IMMP2L: variants seen among roughly 807,000 people sequenced by gnomAD.
IMMP2L encodes the protein mitochondrial inner membrane protease subunit 2.
Under a neutral mutation model 19.3 loss-of-function variants are expected in IMMP2L, and 18 were observed. That is an observed-to-expected ratio of 0.93 (90% CI 0.64 to 1.38). The LOEUF (loss-of-function observed/expected upper bound fraction) is 1.38, where lower values mean the gene tolerates loss of function less well. Among genes scored for constraint, IMMP2L ranks in the 40% most tolerant of loss-of-function variants. IMMP2L has a pLI of 0.00. For synonymous variants in IMMP2L, 76 were observed against 73.0 expected (o/e 1.04, Z -0.21); for missense variants, 233 against 218.2 (o/e 1.07, Z -0.43).
intron 5 of IMMP2L, among the ~76,000 whole-genome samples, chr7:110,744,396 G>C (rs1452452268): frequency 1.3e-5 from 2 of 152,222 alleles, no homozygotes; most frequent in African/African-American, 2.4e-5. Flanking sequence ...TTTGAGCTCT[G>C]ATAAGGGACA....
intron 4 of IMMP2L, 33 bp from the exon 5 acceptor site, chr7:110,886,728 A>C (rs751905746): frequency 2.0e-6 from 2 of 1,002,578 alleles, no homozygotes; most frequent in African/African-American, 1.6e-5. Context: ...CTGAGATATG[A>C]GTAGAAAAGA....
chr7:110,746,084 A>G (rs1797322928), intron 5 of IMMP2L, among the ~76,000 whole-genome samples: 1 of 152,202 alleles, frequency 6.6e-6, no homozygotes, highest in Admixed American at 6.5e-5. Flanking sequence ...AAAGAAAGAA[A>G]AAAAAAGCAG....
chr7:111,105,150 A>G (rs1425209905), intron 3 of IMMP2L, among the ~76,000 whole-genome samples: 1 of 151,850 alleles, frequency 6.6e-6, no homozygotes, highest in East Asian at 1.9e-4. Context: ...GTTTTCAAAT[A>G]AAATAACCAC....
intron 3 of IMMP2L, among the ~76,000 whole-genome samples, chr7:111,300,405 A>G (rs548417867): frequency 6.6e-6 from 1 of 152,242 alleles, no homozygotes; most frequent in Non-Finnish European, 1.5e-5. Flanking sequence ...TTTTATTTTG[A>G]GATAATTGTA....
At chr7:110,868,304 AC>A (rs1381161100) in intron 5 of IMMP2L, among the ~76,000 whole-genome samples, 1 of 152,038 alleles carries the variant, frequency 6.6e-6, no homozygotes, top group Non-Finnish European at 1.5e-5. Context: ...TCTGTTTGAA[AC>A]AAAAGAGGCA....
rs867914049 is a variant in IMMP2L at position 111,221,907 on chromosome 7, C to T, written c.240-258342G>A. ...CCAAAGACACGCAGCTAGACTAAAACGACAGAACAAAGAGCAGAGAAACAG... is the reference window on the plus strand; with the variant it reads ...CCAAAGACACGCAGCTAGACTAAAATGACAGAACAAAGAGCAGAGAAACAG... On this transcript the variant is annotated intron_variant, in intron 3 of 5. Transcript: ENST00000405709. Among the ~76,000 whole-genome samples the T allele has an allele frequency of 1.2e-4, 18 of 151,810 alleles. No homozygotes were observed. The South Asian group carries it at 2.9e-3, about 24-fold the overall frequency.
chr7:110,758,270 G>A lies in IMMP2L; in HGVS notation c.409-94549C>T, dbSNP rs539049934. 2.0e-5 allele frequency among the ~76,000 whole-genome samples: 3 copies of A among 152,058 alleles called. No individual in the cohort carries two copies. The East Asian group carries it at 5.8e-4, about 30-fold the overall frequency. Reference sequence around the variant, plus strand: ...CTGGAGTGGACTTAAGAGAATGGGAGGAGAAAAAACACCAGTTGTGAGTAA... The same window carrying A: ...CTGGAGTGGACTTAAGAGAATGGGAAGAGAAAAAACACCAGTTGTGAGTAA... On this transcript the variant is annotated intron_variant, in intron 5 of 5. Coordinates refer to ENST00000405709, the MANE Select transcript of IMMP2L (RefSeq NM_032549.4). The surrounding 1 kb of genome is among the most constrained non-coding windows in gnomAD (Gnocchi z 4.6).
At chr7:110,739,412 C>T (rs1796850506) in intron 5 of IMMP2L, among the ~76,000 whole-genome samples, 1 of 152,034 alleles carries the variant, frequency 6.6e-6, no homozygotes, top group African/African-American at 2.4e-5. Flanking sequence ...GCAGGAGTAG[C>T]TATTCTTATA....
chr7:111,445,505 G>A (rs187693911), intron 3 of IMMP2L, among the ~76,000 whole-genome samples: 1 of 151,170 alleles, frequency 6.6e-6, no homozygotes, highest in Non-Finnish European at 1.5e-5. Flanking sequence ...TAATAAAGAA[G>A]TATAAATGTG....
chr7:110,825,449 A>G (rs1407433784), intron 5 of IMMP2L, among the ~76,000 whole-genome samples: 1 of 152,220 alleles, frequency 6.6e-6, no homozygotes, highest in Non-Finnish European at 1.5e-5. Context: ...CTACGAGGCT[A>G]CAGTAACCAA....
chr7:111,454,577 C>CA (rs934769304), intron 3 of IMMP2L, among the ~76,000 whole-genome samples: 3 of 151,252 alleles, frequency 2.0e-5, no homozygotes, highest in African/African-American at 7.3e-5. Flanking sequence ...TGTATCATTT[C>CA]AAAAAAAATT....
intron 3 of IMMP2L, among the ~76,000 whole-genome samples, chr7:111,090,349 C>T (rs975198608): frequency 2.0e-5 from 3 of 151,798 alleles, no homozygotes; most frequent in African/African-American, 7.3e-5. Context: ...TTATTACAAT[C>T]GAAATATTTC....
Position 111,007,179 on chromosome 7 carries a change from G to A in IMMP2L, c.240-43614C>T, listed in dbSNP as rs558036062. ...ACATGGTGGCAGGAGAGAGAAGAGC[G>A]AAGGAGAAACTTCCAAACACTTATA... On this transcript the variant is annotated intron_variant, in intron 3 of 5. Coordinates refer to ENST00000405709, the MANE Select transcript of IMMP2L (RefSeq NM_032549.4). Among the ~76,000 whole-genome samples the A allele has an allele frequency of 4.6e-5, 7 of 152,216 alleles. 1 individual carries two copies. Among genetic ancestry groups the A allele is most frequent in the South Asian group, 4.1e-4 (2 of 4,826 alleles).
At position 110,994,775 on chromosome 7, in the gene IMMP2L, T is replaced by C. The variant is rs1822861507; in HGVS notation, c.240-31210A>G. 2.6e-5 allele frequency among the ~76,000 whole-genome samples: 4 copies of C among 152,304 alleles called. No individual in the cohort carries two copies. In the South Asian group the frequency reaches 8.3e-4, roughly 32 times the overall value. On this transcript the variant is annotated intron_variant, in intron 3 of 5. Coordinates refer to ENST00000405709, the MANE Select transcript of IMMP2L (RefSeq NM_032549.4). ...CTAAATAATAGAGAGGCACAATCTCTTCAGCACCTCTCTTACTGGCTGACA... is the reference window on the plus strand; with the variant it reads ...CTAAATAATAGAGAGGCACAATCTCCTCAGCACCTCTCTTACTGGCTGACA...
intron 5 of IMMP2L, among the ~76,000 whole-genome samples, chr7:110,818,485 G>T (rs897090812): frequency 5.3e-5 from 8 of 152,058 alleles, no homozygotes; most frequent in African/African-American, 1.9e-4. Flanking sequence ...AGAGGATGTG[G>T]AGAAATAGGA....
rs754551483 is a variant in IMMP2L, at chr7:111,287,830, C to T, written c.239+199408G>A. Reference sequence around the variant, plus strand: ...AGTTTCACAGACAGGAGAACTTCCACGGACTCCCTTCTGCATGATGGATAG... The same window carrying T: ...AGTTTCACAGACAGGAGAACTTCCATGGACTCCCTTCTGCATGATGGATAG... On this transcript the variant is annotated intron_variant, in intron 3 of 5. Transcript: ENST00000405709. Among the ~76,000 whole-genome samples, 6 of 152,248 alleles carry T rather than the reference C, an allele frequency of 3.9e-5. No homozygotes were observed. In the East Asian group the frequency reaches 7.7e-4, roughly 20 times the overall value.
Position 111,559,650 on chromosome 7 carries a change from T to C in IMMP2L, c.-3+2201A>G, listed in dbSNP as rs200854065. On this transcript the variant is annotated intron_variant, in intron 1 of 5. Transcript: ENST00000405709. ...AGCTATAGGAAAGTTAGGCACTACA[T>C]GGCTTTCCACAATCAAAAGGAAGAT... Among the ~76,000 whole-genome samples the C allele has an allele frequency of 3.3e-5, 5 of 152,144 alleles. No homozygotes were observed. In the East Asian group the frequency reaches 9.6e-4, roughly 29 times the overall value.
At chr7:111,155,499 C>T (rs1804538474) in intron 3 of IMMP2L, among the ~76,000 whole-genome samples, 1 of 152,072 alleles carries the variant, frequency 6.6e-6, no homozygotes, top group Admixed American at 6.6e-5. Context: ...AAGCTCTCTT[C>T]TAACCAATCT....
intron 5 of IMMP2L, among the ~76,000 whole-genome samples, chr7:110,807,703 C>A (rs556919676): frequency 3.9e-5 from 6 of 152,120 alleles, no homozygotes; most frequent in African/African-American, 1.4e-4. Context: ...GTCTTTAAAT[C>A]TATCCTTTTA....
Sources: gnomAD v4.1 joint callset for allele counts (sites outside exome capture counted in the v4.1 genomes callset) on GRCh38, gnomAD v4.1.1 for gene constraint, Gnocchi (gnomAD v3.1) non-coding constraint, MANE v1.5 for transcripts, NCBI Gene and HGNC (gene_info 2026-07-23, HGNC 2026-07-21) for gene names.